Variants in RAB3C observed in about 807,000 individuals in gnomAD.
The protein encoded by RAB3C is ras-related protein Rab-3C.
In RAB3C, 17 loss-of-function variants were observed where a neutral mutation model predicts 26.4. The observed-to-expected ratio is 0.64, with a 90% CI of 0.44 to 0.97. The LOEUF is 0.97. Ranked by LOEUF, RAB3C falls within the 50% of genes least tolerant of loss-of-function variation. The pLI, the probability that RAB3C is intolerant of heterozygous loss-of-function variation, is 0.00. For missense variants in RAB3C, 242 were observed against 281.9 expected, an observed-to-expected ratio of 0.86 and a Z score of 1.01; for synonymous variants, 91 against 95.9, an observed-to-expected ratio of 0.95 and a Z score of 0.30.
At chr5:58,599,490 G>T (rs1746402670) in intron 1 of RAB3C, among the ~76,000 whole-genome samples, 1 of 152,080 alleles carries the variant, frequency 6.6e-6, no homozygotes, top group Non-Finnish European at 1.5e-5. Flanking sequence ...AGCAGACCTT[G>T]CTTACAATCC....
chr5:58,809,385 GAAA>G (rs34954956), intron 3 of RAB3C, among the ~76,000 whole-genome samples: 4,820 of 115,020 alleles, frequency 0.042, 248 homozygotes, highest in African/African-American at 0.14. Context: ...CTTTTTCTCA[GAAA>G]AAAAAAAAAA....
intron 2 of RAB3C, among the ~76,000 whole-genome samples, chr5:58,672,196 A>C (rs986648560): frequency 6.6e-6 from 1 of 152,192 alleles, no homozygotes; most frequent in African/African-American, 2.4e-5. Flanking sequence ...ATGAGGGGTC[A>C]GGAGTATGAT....
At chr5:58,760,987 T>G (rs892492337) in intron 3 of RAB3C, among the ~76,000 whole-genome samples, 1 of 152,062 alleles carries the variant, frequency 6.6e-6, no homozygotes, top group Non-Finnish European at 1.5e-5. Context: ...TTGTGCATTT[T>G]AAATGCAGTT....
At chr5:58,612,518 G>GTGTGTGTGTGTGTGTATATATATATA (rs1242197761) in intron 1 of RAB3C, among the ~76,000 whole-genome samples, 4 of 40,570 alleles carry the variant, frequency 9.9e-5, no homozygotes, top group African/African-American at 3.2e-4. Context: ...GTGTGTGTGT[G>GTGTGTGTGTGTGTGTATATATATATA]TGTATATATA....
intron 2 of RAB3C, among the ~76,000 whole-genome samples, chr5:58,707,269 T>G (rs1748963799): frequency 6.6e-6 from 1 of 152,168 alleles, no homozygotes; most frequent in African/African-American, 2.4e-5. Context: ...ATATCATACA[T>G]AACATTTGGA....
At chr5:58,823,887 C>G (rs1743410054) in intron 3 of RAB3C, among the ~76,000 whole-genome samples, 1 of 114,036 alleles carries the variant, frequency 8.8e-6, no homozygotes, top group African/African-American at 3.4e-5. Context: ...CCCCCCACCC[C>G]ACAACAGTCC....
intron 2 of RAB3C, among the ~76,000 whole-genome samples, chr5:58,681,669 A>C (rs1320318065): frequency 6.6e-6 from 1 of 152,176 alleles, no homozygotes; most frequent in Admixed American, 6.5e-5. Context: ...TAGTGGCTGG[A>C]GTTGAGGATA....
chr5:58,633,562 C>G (rs963486390), intron 2 of RAB3C, among the ~76,000 whole-genome samples: 3 of 152,182 alleles, frequency 2.0e-5, no homozygotes, highest in African/African-American at 4.8e-5. Flanking sequence ...ATGAGACCAA[C>G]AGTTAAAACT....
chr5:58,629,898 G>A (rs1170461085), intron 2 of RAB3C, among the ~76,000 whole-genome samples: 2 of 152,226 alleles, frequency 1.3e-5, no homozygotes, highest in Non-Finnish European at 2.9e-5. Context: ...TTAGAGCAGT[G>A]TGGCTTCCCG....
intron 2 of RAB3C, among the ~76,000 whole-genome samples, chr5:58,629,950 G>C (rs1026292430): frequency 6.6e-6 from 1 of 152,194 alleles, no homozygotes; most frequent in Non-Finnish European, 1.5e-5. Flanking sequence ...GGTGTTTATT[G>C]TAGATAAGGA....
chr5:58,748,140 T>G, intron 3 of RAB3C, among the ~76,000 whole-genome samples: 1 of 152,030 alleles, frequency 6.6e-6, no homozygotes, highest in East Asian at 1.9e-4. Context: ...GAAAGAATTC[T>G]TAAAAGGCAC....
chr5:58,824,926 G>GGT, intron 3 of RAB3C, 112 bp from the exon 4 acceptor site: 3 of 606,970 alleles, frequency 4.9e-6, no homozygotes, highest in African/African-American at 3.9e-5. Context: ...TGGACATCGT[G>GGT]TTTTTTTTTT....
At chr5:58,593,075 C>G (rs544031735) in intron 1 of RAB3C, among the ~76,000 whole-genome samples, 98 of 152,218 alleles carry the variant, frequency 6.4e-4, no homozygotes, top group Middle Eastern at 6.8e-3. Flanking sequence ...CATCCCACAA[C>G]TAACTGAGGC....
intron 1 of RAB3C, among the ~76,000 whole-genome samples, chr5:58,593,323 T>C (rs1361981605): frequency 1.3e-5 from 2 of 152,150 alleles, no homozygotes; most frequent in African/African-American, 2.4e-5. Flanking sequence ...TACTTGAGTA[T>C]TGAAAGAGGT....
intron 3 of RAB3C, among the ~76,000 whole-genome samples, chr5:58,768,040 T>G (rs947798952): frequency 6.6e-6 from 1 of 152,092 alleles, no homozygotes; most frequent in African/African-American, 2.4e-5. Flanking sequence ...GTATAAGACT[T>G]CCAAGGCTAG....
chr5:58,784,927 T>A (rs1425865596), intron 3 of RAB3C: 1 of 152,184 alleles, frequency 6.6e-6, no homozygotes, highest in African/African-American at 2.4e-5. Context: ...CTGGTGTGTA[T>A]CCCACAGGAA....
intron 2 of RAB3C, among the ~76,000 whole-genome samples, chr5:58,691,359 C>T (rs530817181): frequency 4.4e-4 from 67 of 152,032 alleles, no homozygotes; most frequent in Middle Eastern, 6.8e-3. Context: ...GTGTTGGAGA[C>T]GTATAGATGG....
intron 3 of RAB3C, among the ~76,000 whole-genome samples, chr5:58,771,038 T>A (rs1742020698): frequency 2.0e-5 from 3 of 152,176 alleles, no homozygotes. Flanking sequence ...ATTTGGCCCA[T>A]AGAGCAATAA....
intron 1 of RAB3C, among the ~76,000 whole-genome samples, chr5:58,584,936 T>G (rs1268561316): frequency 6.6e-6 from 1 of 152,088 alleles, no homozygotes; most frequent in East Asian, 1.9e-4. Context: ...ATTTTTTGTG[T>G]TCACCAACTA....
Sources: gnomAD v4.1 joint callset for allele counts (sites outside exome capture counted in the v4.1 genomes callset) on GRCh38, gnomAD v4.1.1 for gene constraint, MANE v1.5 for transcripts, NCBI Gene and HGNC (gene_info 2026-07-23, HGNC 2026-07-21) for gene names.